Variants in PTK2 observed in about 807,000 individuals in gnomAD.
The protein encoded by PTK2 is protein tyrosine kinase 2.
In PTK2, 45 loss-of-function variants were observed where a neutral mutation model predicts 150.1. That is an observed-to-expected ratio of 0.30 (90% confidence interval 0.24 to 0.38). The LOEUF is 0.38. Among genes scored for constraint, PTK2 ranks in the 10% least tolerant of loss-of-function variants. The pLI, the probability that PTK2 is intolerant of heterozygous loss-of-function variation, is 1.00. For synonymous variants in PTK2, 432 were observed against 449.2 expected (o/e 0.96, Z 0.48); for missense variants, 919 against 1,307.3 (o/e 0.70, Z 4.58).
At chr8:140,773,623 G>C (rs1293404471) in intron 14 of PTK2, among the ~76,000 whole-genome samples, 1 of 152,146 alleles carries the variant, frequency 6.6e-6, no homozygotes, top group African/African-American at 2.4e-5. Flanking sequence ...GGGAGGTCAG[G>C]TGAGGTGGAT....
intron 4 of PTK2, among the ~76,000 whole-genome samples, chr8:140,869,605 T>G (rs1430645511): frequency 6.6e-6 from 1 of 152,046 alleles, no homozygotes; most frequent in Non-Finnish European, 1.5e-5. Flanking sequence ...AAAAAATGAT[T>G]ATGACAAAAG....
intron 16 of PTK2, among the ~76,000 whole-genome samples, chr8:140,760,639 T>C (rs1419910327): frequency 6.6e-6 from 1 of 152,164 alleles, no homozygotes; most frequent in Non-Finnish European, 1.5e-5. Flanking sequence ...GAAGAAAACG[T>C]TCCAATTGAC....
At chr8:140,674,166 C>T in intron 29 of PTK2, 132 bp downstream of exon 32, 1 of 910,970 alleles carries the variant, frequency 1.1e-6, no homozygotes, top group Non-Finnish European at 1.8e-6. Flanking sequence ...TCCTGGGTCT[C>T]ACTGCAGTTC....
intron 2 of PTK2, among the ~76,000 whole-genome samples, chr8:140,917,722 A>G (rs534701826): frequency 6.6e-6 from 1 of 152,226 alleles, no homozygotes; most frequent in South Asian, 2.1e-4. Context: ...TATGTCAACT[A>G]TTTGTCAAGA....
At chr8:140,735,287 C>G (rs1219994861) in exon 22 of PTK2, 1 of 1,614,104 alleles carries the variant, frequency 6.2e-7, no homozygotes, top group Non-Finnish European at 8.5e-7. Flanking sequence ...CCTGGGCCGC[C>G]TGCTGGGGTC....
chr8:140,661,067 G>GTGAC (rs1365207948), intron 31 of PTK2, among the ~76,000 whole-genome samples: 1 of 152,176 alleles, frequency 6.6e-6, no homozygotes, highest in Non-Finnish European at 1.5e-5. Flanking sequence ...GTCTCAGAGA[G>GTGAC]GGTCAGAAAG....
intron 16 of PTK2, among the ~76,000 whole-genome samples, chr8:140,753,343 G>A (rs1172616424): frequency 6.6e-6 from 1 of 152,228 alleles, no homozygotes; most frequent in Admixed American, 6.5e-5. Flanking sequence ...GGAAGGGGAA[G>A]ATCAGAAGCT....
At chr8:140,669,909 T>C in intron 29 of PTK2, 174 bp from the exon 33 acceptor site, 1 of 688,592 alleles carries the variant, frequency 1.5e-6, no homozygotes, top group Non-Finnish European at 2.5e-6. Context: ...GTTGCCAGGG[T>C]GTGGCTACTG....
intron 1 of PTK2, among the ~76,000 whole-genome samples, chr8:140,962,873 T>C (rs2100183850): frequency 2.8e-5 from 4 of 141,998 alleles, no homozygotes; most frequent in Admixed American, 2.1e-4. Flanking sequence ...CCCTTGTAGG[T>C]CCCCCCCCCC....
intron 26 of PTK2, among the ~76,000 whole-genome samples, chr8:140,687,393 T>C (rs184685291): frequency 7.2e-5 from 11 of 152,324 alleles, no homozygotes; most frequent in Admixed American, 7.2e-4. Context: ...TCTTCAAGGC[T>C]GAGCCAGACA....
chr8:140,739,996 A>G (rs572583486), intron 20 of PTK2, among the ~76,000 whole-genome samples: 3 of 152,334 alleles, frequency 2.0e-5, no homozygotes, highest in Admixed American at 1.3e-4. Context: ...ATCAGCGCAG[A>G]CTACACAAAT....
At chr8:140,849,284 G>C (rs2100127639) in intron 5 of PTK2, among the ~76,000 whole-genome samples, 1 of 152,168 alleles carries the variant, frequency 6.6e-6, no homozygotes, top group Non-Finnish European at 1.5e-5. Context: ...TGCTGCCAGA[G>C]AGAAAGCAAA....
intron 27 of PTK2, among the ~76,000 whole-genome samples, chr8:140,679,597 A>G (rs560012213): frequency 6.6e-6 from 1 of 152,274 alleles, no homozygotes; most frequent in East Asian, 1.9e-4. Context: ...CAGAGCTGTT[A>G]GGGGCTTTGG....
intron 2 of PTK2, among the ~76,000 whole-genome samples, chr8:140,893,041 C>G (rs1210133251): frequency 1.3e-5 from 2 of 152,146 alleles, no homozygotes; most frequent in African/African-American, 4.8e-5. Context: ...CAAATAAAAA[C>G]TCATGGCTGG....
intron 2 of PTK2, among the ~76,000 whole-genome samples, chr8:140,919,109 T>C (rs991933779): frequency 2.0e-5 from 3 of 152,172 alleles, no homozygotes; most frequent in Non-Finnish European, 4.4e-5. Flanking sequence ...CCAGGTTTTG[T>C]CAGAACCTCC....
rs1432827357 is a variant in PTK2 at position 140,746,869 on chromosome 8, A to G, written c.1418-9T>C. On this transcript the variant is annotated splice_polypyrimidine_tract_variant and intron_variant, in intron 17 of 31. Transcript: ENST00000522684. ...AAACTGACGCATTGTTACTAGGAAA[A>G]AAGTTCTCCATAGTTATTCTTTCTT... 2 of 1,573,766 alleles carry G rather than the reference A, an allele frequency of 1.3e-6. No individual in the cohort carries two copies. Among genetic ancestry groups the G allele is most frequent in the East Asian group, 4.5e-5 (2 of 44,724 alleles).
intron 1 of PTK2, chr8:140,954,741 A>G (rs2100180663): frequency 6.6e-6 from 1 of 152,216 alleles, no homozygotes; most frequent in African/African-American, 2.4e-5. Flanking sequence ...AATTATACTC[A>G]CAGTTCAGAA....
intron 16 of PTK2, among the ~76,000 whole-genome samples, 174 bp downstream of exon 19, chr8:140,760,990 AT>A (rs944976705): frequency 1.1e-4 from 17 of 152,290 alleles, no homozygotes; most frequent in African/African-American, 4.1e-4. Flanking sequence ...TAATGTTGCC[AT>A]TTTTTGGTTT....
At chr8:140,877,836 T>C (rs1448107653) in intron 4 of PTK2, among the ~76,000 whole-genome samples, 1 of 152,138 alleles carries the variant, frequency 6.6e-6, no homozygotes, top group Non-Finnish European at 1.5e-5. Context: ...AGTAAATAAA[T>C]TGGCTTAAAA....
Sources: allele counts gnomAD v4.1 joint callset (sites outside exome capture counted in the v4.1 genomes callset), GRCh38; gene constraint gnomAD v4.1.1; transcripts MANE v1.5; gene names NCBI Gene and HGNC (gene_info 2026-07-23, HGNC 2026-07-21).